CORIN: variants seen among roughly 807,000 people sequenced by gnomAD.
The protein encoded by CORIN is corin, serine peptidase, also known as atrial natriuretic peptide-converting enzyme.
In CORIN, 117 loss-of-function variants were observed where a neutral mutation model predicts 125.3. That is an observed-to-expected ratio of 0.93 (90% confidence interval 0.80 to 1.09). The LOEUF is 1.09. Ranked by LOEUF, CORIN falls within the 50% of genes least tolerant of loss-of-function variation. The probability of loss-of-function intolerance (pLI) is 0.00; values close to 1 mark genes in which losing one functional copy is unlikely to be tolerated. For synonymous variants in CORIN, 450 were observed against 466.4 expected, an observed-to-expected ratio of 0.96 and a Z score of 0.45; for missense variants, 1,253 against 1,306.7, an observed-to-expected ratio of 0.96 and a Z score of 0.63.
chr4:47,772,062 AAGCTTTCACAT>A, intron 3 of CORIN, among the ~76,000 whole-genome samples: 1 of 148,902 alleles, frequency 6.7e-6, no homozygotes, highest in African/African-American at 2.5e-5. Context: ...GCCAAGCTTC[AAGCTTTCACAT>A]TACATAGATA....
Position 47,661,779 on chromosome 4 carries a change from T to A in CORIN, c.1667A>T (p.Asp556Val). Residue 556 changes from aspartate (D) to valine (V), a missense_variant, in exon 12 of 22, where the codon GAT (aspartate) becomes GTT (valine). By Grantham distance (152) the Asp-to-Val change is radical. Transcript: ENST00000273857. ...IVGLQWPEDT[D>V]CSQFPEENSD... ...ATTTTCCTCTGGAAATTGACTGCAA[T>A]CTGTGTCTTCAGGCCACTGTAGGCC... is the stretch of plus-strand genomic sequence containing the variant. 1 of 1,613,790 alleles carries A rather than the reference T, an allele frequency of 6.2e-7. No individual in the cohort carries two copies. The highest frequency in any genetic ancestry group is 1.3e-5 in the African/African-American group (1 of 75,058).
intron 2 of CORIN, among the ~76,000 whole-genome samples, chr4:47,798,065 C>T (rs1731376277): frequency 6.6e-6 from 1 of 152,086 alleles, no homozygotes; most frequent in East Asian, 1.9e-4. Flanking sequence ...TCTTTGGAAC[C>T]ATATGGACAA....
At chr4:47,714,150 GTTATT>G (rs1475624080) in intron 5 of CORIN, among the ~76,000 whole-genome samples, 1 of 152,120 alleles carries the variant, frequency 6.6e-6, no homozygotes, top group Non-Finnish European at 1.5e-5. Flanking sequence ...ACAATGCAGA[GTTATT>G]TTAAAGATTA....
chr4:47,748,469 G>T (rs936502869), intron 4 of CORIN, among the ~76,000 whole-genome samples: 1 of 152,170 alleles, frequency 6.6e-6, no homozygotes, highest in African/African-American at 2.4e-5. Flanking sequence ...AGTTAAAGCA[G>T]AAAGCTTTTA....
At chr4:47,666,728 G>A (rs926950810) in intron 10 of CORIN, among the ~76,000 whole-genome samples, 15 of 152,122 alleles carry the variant, frequency 9.9e-5, no homozygotes, top group Non-Finnish European at 1.6e-4. Context: ...AAACGCAAGA[G>A]GGCAACTGTC....
chr4:47,599,064 A>G (rs193182754), intron 21 of CORIN, among the ~76,000 whole-genome samples: 2 of 152,284 alleles, frequency 1.3e-5, no homozygotes, highest in East Asian at 1.9e-4. Context: ...ATGAATTCCA[A>G]CCCAGATATT....
intron 16 of CORIN, among the ~76,000 whole-genome samples, chr4:47,638,462 T>C (rs1723112083): frequency 6.6e-6 from 1 of 152,188 alleles, no homozygotes; most frequent in Non-Finnish European, 1.5e-5. Context: ...TTCCCACATA[T>C]CATGGGAGGA....
chr4:47,597,385 A>C (rs1176676719), intron 21 of CORIN, among the ~76,000 whole-genome samples: 2 of 151,964 alleles, frequency 1.3e-5, no homozygotes, highest in African/African-American at 4.8e-5. Flanking sequence ...AAAGAGATTA[A>C]AATTTTGATT....
chr4:47,730,776 T>C (rs1196683762), intron 5 of CORIN, among the ~76,000 whole-genome samples: 3 of 152,244 alleles, frequency 2.0e-5, no homozygotes, highest in Non-Finnish European at 4.4e-5. Context: ...GTCCTGACAG[T>C]TGTAAAGACC....
chr4:47,710,948 A>G (rs776682561), intron 5 of CORIN, among the ~76,000 whole-genome samples: 6 of 152,256 alleles, frequency 3.9e-5, no homozygotes, highest in Non-Finnish European at 7.3e-5. Flanking sequence ...ACAACAGAGC[A>G]TTAAACCAAA....
chr4:47,764,991 G>A (rs966335613), intron 3 of CORIN, among the ~76,000 whole-genome samples: 4 of 152,204 alleles, frequency 2.6e-5, no homozygotes, highest in East Asian at 1.9e-4. Context: ...TGAATATTAA[G>A]AGATCATTTT....
chr4:47,595,754 T>C lies in CORIN; in HGVS notation c.3096A>G (p.Arg1032=). 2 of 1,610,556 alleles carry C rather than the reference T, an allele frequency of 1.2e-6. No individual in the cohort carries two copies. Among genetic ancestry groups the C allele is most frequent in the Non-Finnish European group, 1.7e-6 (2 of 1,178,988 alleles). ...NVSYFVEWIK[R]QIYIQTFLLN ...GGAGAAAGGTCTGGATGTAAATCTG[T>C]CTTTTAATCCATTCGACGAAATATG... The change falls in exon 22 of 22, where the codon AGA becomes AGG. Residue 1032 remains arginine (R), a synonymous_variant. Coordinates refer to ENST00000273857, the MANE Select transcript of CORIN (RefSeq NM_006587.4).
At chr4:47,603,815 T>TG in intron 19 of CORIN, 147 bp from the exon 20 acceptor site, 3 of 864,300 alleles carry the variant, frequency 3.5e-6, no homozygotes, top group Non-Finnish European at 5.3e-6. Flanking sequence ...GGCATTTATA[T>TG]AATAGCCTGA....
intron 2 of CORIN, among the ~76,000 whole-genome samples, chr4:47,792,782 G>T (rs1411655172): frequency 6.6e-6 from 1 of 152,176 alleles, no homozygotes; most frequent in Non-Finnish European, 1.5e-5. Flanking sequence ...AGAGCCTTCA[G>T]AGCTCTGACA....
intron 5 of CORIN, among the ~76,000 whole-genome samples, chr4:47,729,134 A>G (rs1727737179): frequency 6.6e-6 from 1 of 152,188 alleles, no homozygotes; most frequent in Non-Finnish European, 1.5e-5. Flanking sequence ...CAAGCCTGTA[A>G]TTCTCCCAGA....
chr4:47,709,214 G>A (rs1463395965), intron 5 of CORIN, among the ~76,000 whole-genome samples: 1 of 152,230 alleles, frequency 6.6e-6, no homozygotes, highest in Non-Finnish European at 1.5e-5. Context: ...GGCAGTTGCA[G>A]AAAGCTGAAC....
intron 16 of CORIN, among the ~76,000 whole-genome samples, chr4:47,637,195 C>T (rs1577767000): frequency 1.3e-5 from 2 of 152,134 alleles, no homozygotes; most frequent in Non-Finnish European, 2.9e-5. Context: ...TGGTAGAAGA[C>T]ATTTCTAAGC....
intron 13 of CORIN, among the ~76,000 whole-genome samples, chr4:47,649,709 C>T (rs1164309761): frequency 6.6e-6 from 1 of 152,168 alleles, no homozygotes; most frequent in African/African-American, 2.4e-5. Flanking sequence ...CCTGCCTTCC[C>T]AAGACACCAC....
chr4:47,787,640 G>A (rs1217742551), intron 2 of CORIN, among the ~76,000 whole-genome samples: 2 of 152,124 alleles, frequency 1.3e-5, no homozygotes, highest in Admixed American at 6.5e-5. Flanking sequence ...ATTTCCATAG[G>A]TTATTGGGGA....
Sources: gnomAD v4.1 joint callset for allele counts (sites outside exome capture counted in the v4.1 genomes callset) on GRCh38, gnomAD v4.1.1 for gene constraint, MANE v1.5 for transcripts, NCBI Gene and HGNC (gene_info 2026-07-23, HGNC 2026-07-21) for gene names.